The following NFATC1 variants were observed in gnomAD, a reference collection of about 807,000 sequenced individuals.
NFATC1 encodes nuclear factor of activated T-cells, cytoplasmic 1.
NFATC1 carries 22 observed loss-of-function variants against 76.0 expected under a neutral mutation model. The ratio of observed to expected loss-of-function variants is 0.29; its 90% CI spans 0.21 to 0.41. The LOEUF (loss-of-function observed/expected upper bound fraction) is 0.41. Ranked by LOEUF, NFATC1 falls within the 10% of genes least tolerant of loss-of-function variation. NFATC1 has a pLI of 1.00. For synonymous variants in NFATC1, 704 were observed against 613.1 expected (o/e 1.15, Z -2.19); for missense variants, 1,357 against 1,337.7 (o/e 1.01, Z -0.23).
At chr18:79,462,450 A>T (rs2144877579) in intron 7 of NFATC1, among the ~76,000 whole-genome samples, 1 of 152,192 alleles carries the variant, frequency 6.6e-6, no homozygotes, top group South Asian at 2.1e-4. Context: ...GATTACAGGC[A>T]TGCACCACCA....
chr18:79,463,330 C>A (rs970782630), intron 7 of NFATC1, among the ~76,000 whole-genome samples: 1 of 151,882 alleles, frequency 6.6e-6, no homozygotes, highest in South Asian at 2.1e-4. Context: ...CCGGCCTACA[C>A]GGCCCGTTGT....
At chr18:79,418,220 C>T (rs1359822509) in intron 2 of NFATC1, among the ~76,000 whole-genome samples, 1 of 152,140 alleles carries the variant, frequency 6.6e-6, no homozygotes, top group Non-Finnish European at 1.5e-5. Flanking sequence ...CCGCGTGCTG[C>T]CCCACCATGC....
In NFATC1 at chr18:79,477,707, C is replaced by T. The variant is rs1200822933; in HGVS notation, c.2093-8541C>T. ...GGCTTCCATAGTGGAGCACCACCGG[C>T]TGGGCACCTTGTAAACAACAGACAT... On this transcript the variant is annotated intron_variant, in intron 8 of 9. Transcript: ENST00000427363. Among the ~76,000 whole-genome samples, 7 of 152,224 alleles carry T rather than the reference C, an allele frequency of 4.6e-5. No individual in the cohort carries two copies. The East Asian group carries it at 1.2e-3, about 25-fold the overall frequency.
chr18:79,446,165 CTT>C (rs1555908330), intron 3 of NFATC1, among the ~76,000 whole-genome samples: 1 of 152,200 alleles, frequency 6.6e-6, no homozygotes, highest in Non-Finnish European at 1.5e-5. Flanking sequence ...ATTTAAATGA[CTT>C]TTCTTAAAAT....
intron 2 of NFATC1, among the ~76,000 whole-genome samples, chr18:79,413,294 G>T (rs929814171): frequency 1.3e-5 from 2 of 152,224 alleles, no homozygotes; most frequent in African/African-American, 4.8e-5. Context: ...TCCTGGGGCT[G>T]CCCTGACAAG....
chr18:79,433,792 T>C lies in NFATC1; in HGVS notation c.1386+54T>C. On this transcript the variant is annotated intron_variant, in intron 3 of 9. Transcript: ENST00000427363. The stretch of plus-strand genomic sequence containing the variant: ...ACTTGGTGCTTTTGTGGTCAAAAAG[T>C]AACTTTGGAGCCACAGCTAACTGTG... 1.9e-6 allele frequency: 3 copies of C among 1,575,400 alleles called. No individual in the cohort carries two copies. The East Asian group carries it at 6.8e-5, about 36-fold the overall frequency.
intron 1 of NFATC1, among the ~76,000 whole-genome samples, chr18:79,408,415 G>A (rs566489156): frequency 2.6e-5 from 4 of 152,166 alleles, no homozygotes; most frequent in Non-Finnish European, 4.4e-5. Context: ...CCAGAGGCAC[G>A]TCTTTCCTGT....
chr18:79,486,104 TAATGG>T, intron 8 of NFATC1, 139 bp from the exon 9 acceptor site: 1 of 717,436 alleles, frequency 1.4e-6, no homozygotes, highest in Non-Finnish European at 2.4e-6. Flanking sequence ...CTTTTTTTTT[TAATGG>T]GGTGGGAGAA....
In NFATC1 at chr18:79,462,650, A is replaced by G. The variant is rs139500463; in HGVS notation, c.1959+1284A>G. 5.3e-3 allele frequency among the ~76,000 whole-genome samples: 804 copies of G among 152,282 alleles called. 11 individuals are homozygous for G. Among genetic ancestry groups the G allele is most frequent in the African/African-American group, 0.018 (736 of 41,552 alleles). On this transcript the variant is annotated intron_variant, in intron 7 of 9. Transcript: ENST00000427363. Reference sequence around the variant, plus strand: ...ACAGTTGGATTGATCCCTACGTTGGATTTTTTGAGTGTTCTGTTTAGTCCT... The same window carrying G: ...ACAGTTGGATTGATCCCTACGTTGGGTTTTTTGAGTGTTCTGTTTAGTCCT...
chr18:79,473,323 T>C (rs114037524), intron 8 of NFATC1, among the ~76,000 whole-genome samples: 60 of 152,380 alleles, frequency 3.9e-4, no homozygotes, highest in African/African-American at 1.4e-3. Context: ...ATTTCAGTTT[T>C]TGTCGGTTGC....
chr18:79,424,809 GTC>G (rs58256640), intron 2 of NFATC1, among the ~76,000 whole-genome samples: 46,546 of 121,662 alleles, frequency 0.38, 9,687 homozygotes, highest in African/African-American at 0.53. Flanking sequence ...GTGTCTGTCT[GTC>G]TCTGTCTCTC....
chr18:79,460,650 AG>A (rs1346137742), intron 6 of NFATC1, among the ~76,000 whole-genome samples: 5 of 152,246 alleles, frequency 3.3e-5, no homozygotes, highest in Non-Finnish European at 7.3e-5. Context: ...ATGGGCAAGA[AG>A]TTGTCAGAGG....
chr18:79,471,582 A>G (rs954271803), intron 8 of NFATC1, among the ~76,000 whole-genome samples: 2 of 152,192 alleles, frequency 1.3e-5, no homozygotes, highest in Non-Finnish European at 2.9e-5. Flanking sequence ...ATCAGTGCCC[A>G]GGAGAAGCTG....
chr18:79,413,347 C>T (rs996139729), intron 2 of NFATC1, among the ~76,000 whole-genome samples: 4 of 152,170 alleles, frequency 2.6e-5, no homozygotes, highest in Non-Finnish European at 4.4e-5. Flanking sequence ...GGTTTTCTCG[C>T]GGGGTCCTGA....
At chr18:79,397,137 C>G (rs561958463) in intron 1 of NFATC1, among the ~76,000 whole-genome samples, 1 of 152,336 alleles carries the variant, frequency 6.6e-6, no homozygotes, top group East Asian at 1.9e-4. Flanking sequence ...CCACCTTAGC[C>G]CGTCCCCGGC....
chr18:79,501,379 A>G (rs1312958086), intron 9 of NFATC1, among the ~76,000 whole-genome samples: 1 of 152,260 alleles, frequency 6.6e-6, no homozygotes, highest in East Asian at 1.9e-4. Flanking sequence ...CATCACACTG[A>G]ATCGTCCAAG....
At chr18:79,416,680 G>A (rs2085886901) in intron 2 of NFATC1, among the ~76,000 whole-genome samples, 4 of 152,224 alleles carry the variant, frequency 2.6e-5, no homozygotes, top group Admixed American at 1.3e-4. Flanking sequence ...ACTGGCATGG[G>A]CTGGAACGGC....
intron 3 of NFATC1, among the ~76,000 whole-genome samples, chr18:79,438,288 G>A (rs1600712927): frequency 6.6e-6 from 1 of 152,196 alleles, no homozygotes; most frequent in Non-Finnish European, 1.5e-5. Context: ...CTTGGCCTGC[G>A]TCCTCCACTG....
intron 9 of NFATC1, among the ~76,000 whole-genome samples, chr18:79,501,509 A>C (rs2090013600): frequency 6.6e-6 from 1 of 152,172 alleles, no homozygotes; most frequent in South Asian, 2.1e-4. Flanking sequence ...AACAGAAATA[A>C]AAGGCAACCG....
Sources: gnomAD v4.1 joint callset for allele counts (sites outside exome capture counted in the v4.1 genomes callset) on GRCh38, gnomAD v4.1.1 for gene constraint, MANE v1.5 for transcripts, NCBI Gene and HGNC (gene_info 2026-07-23, HGNC 2026-07-21) for gene names.